SRSF4: variants seen among roughly 807,000 people sequenced by gnomAD.
SRSF4 encodes serine and arginine rich splicing factor 4.
A neutral mutation model predicts 48.8 loss-of-function variants in SRSF4; 12 were observed. The ratio of observed to expected loss-of-function variants is 0.25; its 90% CI spans 0.16 to 0.40. The LOEUF (loss-of-function observed/expected upper bound fraction) is 0.40, where lower values mean the gene tolerates loss of function less well. Ranked by LOEUF, SRSF4 falls within the 10% of genes least tolerant of loss-of-function variation. SRSF4 has a pLI of 1.00. For missense variants in SRSF4, 466 were observed against 667.1 expected (o/e 0.70, Z 3.32); for synonymous variants, 248 against 232.5 (o/e 1.07, Z -0.61).
In SRSF4 at chr1:29,154,458, GT is replaced by G. The variant is rs1460965719; in HGVS notation, c.578+237del. ...GATGCGCCCACCTTGGCCTCCCAAA[GT>G]GCTGGGATTACAGGCGTGAGCAAGG... is the stretch of plus-strand genomic sequence containing the variant. On this transcript the variant is annotated intron_variant, in intron 4 of 5. Transcript: ENST00000373795. The G allele has an allele frequency of 1.2e-4, 58 of 489,474 alleles. 1 individual carries two copies. The highest frequency in any genetic ancestry group is 1.1e-3 in the Middle Eastern group (2 of 1,788). 30.3% of individuals were successfully genotyped at this position (489,474 alleles called of 1,614,324 possible).
chr1:29,181,843 G>GCAA lies in SRSF4; in HGVS notation c.-94_-92dup. On this transcript the variant is annotated 5_prime_UTR_variant, in exon 1 of 6. Coordinates refer to ENST00000373795, the MANE Select transcript of SRSF4 (RefSeq NM_005626.5). Reference sequence around the variant, plus strand: ...GAGCACGGCGGCAGCGGCGGCGGCGGCAACGGGCGGGCGGCGGGACGGACG... The same window carrying GCAA: ...GAGCACGGCGGCAGCGGCGGCGGCGGCAACAACGGGCGGGCGGCGGGACGGACG... 9.2e-7 allele frequency: 1 copy of GCAA among 1,081,732 alleles called. No homozygotes were observed. Among genetic ancestry groups the GCAA allele is most frequent in the Non-Finnish European group, 1.2e-6 (1 of 821,530 alleles). The allele number at this position is 1,081,732 out of a possible 1,614,324, so 67.0% of individuals were successfully genotyped here.
At position 29,175,005 on chromosome 1, in the gene SRSF4, A is replaced by G. The variant is rs1179826606; in HGVS notation, c.107+6641T>C. ...TTTTAATTAAAAAAAAAAAAAAGAAAAGAAGAGAGACAGAGTGCGTGCGTG... is the reference window on the plus strand; with the variant it reads ...TTTTAATTAAAAAAAAAAAAAAGAAGAGAAGAGAGACAGAGTGCGTGCGTG... On this transcript the variant is annotated intron_variant, in intron 1 of 5. Coordinates refer to ENST00000373795, the MANE Select transcript of SRSF4 (RefSeq NM_005626.5). 6.2e-5 allele frequency among the ~76,000 whole-genome samples: 9 copies of G among 144,130 alleles called. No individual in the cohort carries two copies. In the South Asian group the frequency reaches 1.7e-3, roughly 27 times the overall value. The allele number at this position is 144,130 out of a possible 152,430, so 94.6% of individuals were successfully genotyped here. A position where few individuals can be genotyped will look rare whatever the true frequency, so the allele number is the denominator to read the frequency against.
intron 1 of SRSF4, among the ~76,000 whole-genome samples, chr1:29,168,250 C>G (rs1224061647): frequency 6.8e-6 from 1 of 146,516 alleles, no homozygotes; most frequent in Non-Finnish European, 1.5e-5. Context: ...AGGGTGGTCT[C>G]GAACTCCTGA....
At position 29,160,355 on chromosome 1, in the gene SRSF4, T is replaced by C. The variant is rs1222070836; in HGVS notation, c.250+20A>G. 3 of 1,600,106 alleles carry C rather than the reference T, an allele frequency of 1.9e-6. No homozygotes were observed. In the South Asian group the frequency reaches 3.4e-5, roughly 18 times the overall value. On this transcript the variant is annotated intron_variant, in intron 2 of 5. Transcript: ENST00000373795. ...AACAAAAGCACGTTACTGATAAAAG[T>C]ATGCCCTTTGAATGCTTACTGCGTC...
intron 1 of SRSF4, among the ~76,000 whole-genome samples, chr1:29,175,721 AAAT>A: frequency 6.6e-6 from 1 of 150,510 alleles, no homozygotes; most frequent in Middle Eastern, 3.2e-3. Flanking sequence ...AAAAAAAAAA[AAAT>A]TTCCAATTAT....
At chr1:29,180,502 C>T (rs1347597233) in intron 1 of SRSF4, among the ~76,000 whole-genome samples, 2 of 152,210 alleles carry the variant, frequency 1.3e-5, no homozygotes, top group African/African-American at 2.4e-5. Flanking sequence ...TTTTCTCATA[C>T]GTGAAACATA....
intron 1 of SRSF4, chr1:29,173,501 C>T (rs1433430676): frequency 1.8e-5 from 2 of 109,666 alleles, no homozygotes; most frequent in African/African-American, 7.2e-5. Flanking sequence ...GAGTCTCACT[C>T]TGTTGCCCAG....
intron 1 of SRSF4, among the ~76,000 whole-genome samples, chr1:29,176,144 T>C (rs1244223722): frequency 1.3e-5 from 2 of 151,968 alleles, no homozygotes; most frequent in South Asian, 2.1e-4. Context: ...CCCAGCTACT[T>C]GGGAGGCTGA....
intron 1 of SRSF4, among the ~76,000 whole-genome samples, chr1:29,174,179 T>C (rs928745930): frequency 9.7e-5 from 14 of 143,742 alleles, no homozygotes; most frequent in African/African-American, 2.9e-4. Flanking sequence ...GGGAGACAGA[T>C]TGAGACCCCA....
At chr1:29,169,799 G>A (rs935745751) in intron 1 of SRSF4, 1 of 152,132 alleles carries the variant, frequency 6.6e-6, no homozygotes, top group African/African-American at 2.4e-5. Flanking sequence ...ATAGTAGGGT[G>A]AGAAAAACAG....
Position 29,159,482 on chromosome 1 carries a change from T to G in SRSF4, c.255A>C (p.Gly85=). 6.2e-7 allele frequency: 1 copy of G among 1,611,406 alleles called. No homozygotes were observed. The highest frequency in any genetic ancestry group is 8.5e-7 in the Non-Finnish European group (1 of 1,177,852). ...RDGSYGSGRS[G]YGYRRSGRDK... is the part of the protein sequence containing the mutation. ...CTCGGCCACTTCTTCTATAACCATA[T>G]CCACCTTTGGAAGGTTCAAATAAAT... The change falls in exon 3 of 6, where the codon GGA becomes GGC. Residue 85 remains glycine (G), a synonymous_variant. Transcript: ENST00000373795.
intron 1 of SRSF4, chr1:29,168,870 T>C (rs1003947733): frequency 2.0e-5 from 3 of 152,168 alleles, no homozygotes; most frequent in African/African-American, 4.8e-5. Flanking sequence ...AACCAAAAAA[T>C]ATAAGCGTGA....
chr1:29,159,317 G>C, intron 3 of SRSF4, 57 bp downstream of exon 3: 1 of 1,241,976 alleles, frequency 8.1e-7, no homozygotes, highest in Non-Finnish European at 1.2e-6. Context: ...AAATCTACCT[G>C]TTTCCCAACT....
chr1:29,181,746 G>T lies in SRSF4; in HGVS notation c.7C>A (p.Arg3=). 1 of 1,579,534 alleles carries T rather than the reference G, an allele frequency of 6.3e-7. No individual in the cohort carries two copies. The change falls in exon 1 of 6, where the codon CGG becomes AGG. Residue 3 remains arginine, a synonymous_variant. Transcript: ENST00000373795. The part of the protein sequence containing the change: MP[R]VYIGRLSYQA... ...TAGCTCAGGCGGCCGATGTACACCC[G>T]CGGCATCCCGGCAACGGCAGTGATG... is the stretch of plus-strand genomic sequence containing the variant.
At chr1:29,157,323 C>A (rs1672515715) in intron 3 of SRSF4, among the ~76,000 whole-genome samples, 1 of 152,030 alleles carries the variant, frequency 6.6e-6, no homozygotes, top group African/African-American at 2.4e-5. Flanking sequence ...AAGCTCTGTT[C>A]TAACAAAAAA....
intron 4 of SRSF4, among the ~76,000 whole-genome samples, chr1:29,153,094 ATCT>A (rs992780732): frequency 6.6e-6 from 1 of 151,994 alleles, no homozygotes; most frequent in African/African-American, 2.4e-5. Context: ...TTCAATACTC[ATCT>A]TCTACGCTAG....
intron 1 of SRSF4, chr1:29,170,393 A>G (rs1220453304): frequency 6.6e-6 from 1 of 152,216 alleles, no homozygotes; most frequent in African/African-American, 2.4e-5. Context: ...TTCCACACAA[A>G]AGCTACAAAC....
At chr1:29,153,997 A>G (rs1672457155) in intron 4 of SRSF4, among the ~76,000 whole-genome samples, 1 of 151,712 alleles carries the variant, frequency 6.6e-6, no homozygotes, top group African/African-American at 2.4e-5. Flanking sequence ...CCTGGGTTCA[A>G]GCGATTCCCA....
At chr1:29,155,389 C>A (rs1423003515) in intron 3 of SRSF4, among the ~76,000 whole-genome samples, 1 of 152,102 alleles carries the variant, frequency 6.6e-6, no homozygotes, top group African/African-American at 2.4e-5. Flanking sequence ...CGTGATCATG[C>A]CACTGCACTC....
Sources: gnomAD v4.1 joint callset for allele counts (sites outside exome capture counted in the v4.1 genomes callset) on GRCh38, gnomAD v4.1.1 for gene constraint, MANE v1.5 for transcripts, NCBI Gene and HGNC (gene_info 2026-07-23, HGNC 2026-07-21) for gene names.